Variants in METTL23 observed in about 807,000 individuals in gnomAD.
METTL23 encodes the protein methyltransferase 23, arginine.
Under a neutral mutation model 21.2 loss-of-function variants are expected in METTL23, and 24 were observed. That is an observed-to-expected ratio of 1.13 (90% CI 0.82 to 1.59). The LOEUF is 1.59. Ranked by LOEUF, METTL23 falls within the 40% of genes most tolerant of loss-of-function variation. METTL23 has a pLI of 0.00. For missense variants in METTL23, 276 were observed against 221.4 expected, an observed-to-expected ratio of 1.25 and a Z score of -1.57; for synonymous variants, 97 against 75.2, an observed-to-expected ratio of 1.29 and a Z score of -1.50.
chr17:76,728,412 A>ATTTTTTTT (rs762643941), intron 1 of METTL23, among the ~76,000 whole-genome samples: 7 of 14,776 alleles, frequency 4.7e-4, no homozygotes, highest in African/African-American at 6.1e-4. Context: ...GGCTTCACGG[A>ATTTTTTTT]TTTTTTTTTT....
intron 2 of METTL23, among the ~76,000 whole-genome samples, chr17:76,731,183 G>A (rs1194049677): frequency 6.6e-6 from 1 of 152,120 alleles, no homozygotes; most frequent in Non-Finnish European, 1.5e-5. Context: ...GCTGAGGTAG[G>A]AGAATCGCCT....
upstream of METTL23, chr17:76,726,653 C>T (rs1054426592): frequency 9.1e-6 from 8 of 881,204 alleles, no homozygotes; most frequent in East Asian, 2.0e-4. Context: ...TCCCGAGCCT[C>T]GGGTTGGGCA....
Position 76,733,763 on chromosome 17 carries a change from T to C in METTL23, c.*77T>C. On this transcript the variant is annotated 3_prime_UTR_variant, in exon 5 of 5. Transcript: ENST00000341249. The stretch of plus-strand genomic sequence containing the variant: ...GCACACAAACTATGAGCAGACCACT[T>C]CAGCTTGAGAATGCAGTGGGTCTGA... The C allele has an allele frequency of 7.5e-7, 1 of 1,339,418 alleles. No individual in the cohort carries two copies. Among genetic ancestry groups the C allele is most frequent in the South Asian group, 1.5e-5 (1 of 67,530 alleles). The allele number at this position is 1,339,418 out of a possible 1,614,324, so 83.0% of individuals were successfully genotyped here. A position where few individuals can be genotyped will look rare whatever the true frequency, so the allele number is the denominator to read the frequency against.
chr17:76,730,499 T>A (rs953559390), intron 2 of METTL23, among the ~76,000 whole-genome samples: 1 of 152,106 alleles, frequency 6.6e-6, no homozygotes, highest in Non-Finnish European at 1.5e-5. Flanking sequence ...ATATTGACTC[T>A]CTAGCCCTTT....
intron 2 of METTL23, chr17:76,732,691 C>T: frequency 2.3e-6 from 1 of 434,140 alleles, no homozygotes; most frequent in Non-Finnish European, 4.2e-6. Flanking sequence ...TCAAGTGCCC[C>T]AAAACTACTT....
At chr17:76,729,933 T>G in intron 2 of METTL23, 139 bp downstream of exon 2, 1 of 644,990 alleles carries the variant, frequency 1.6e-6, no homozygotes, top group Non-Finnish European at 2.7e-6. Context: ...GTCTGTGAGC[T>G]AAGAATGTTG....
At chr17:76,726,349 C>A, upstream of METTL23, 1 of 1,581,956 alleles carries the variant, frequency 6.3e-7, no homozygotes. Flanking sequence ...CCGCTCACCG[C>A]CACGGCCGCC....
rs138779251 is a variant in METTL23, at chr17:76,732,898, A to G, written c.85-80A>G. The G allele has an allele frequency of 1.4e-3, 1,696 of 1,183,010 alleles. 19 individuals carry two copies. In the African/African-American group the frequency reaches 0.022, roughly 16 times the overall value. 73.3% of individuals were successfully genotyped at this position (1,183,010 alleles called of 1,614,324 possible). A position where few individuals can be genotyped will look rare whatever the true frequency, so the allele number is the denominator to read the frequency against. ...TATGCTTATTTAAAAATGCAAGAATATAATGAAAAAGTACTAAGATTCCCA... is the reference window on the plus strand; with the variant it reads ...TATGCTTATTTAAAAATGCAAGAATGTAATGAAAAAGTACTAAGATTCCCA... On this transcript the variant is annotated intron_variant, in intron 2 of 4. Transcript: ENST00000341249.
chr17:76,730,880 G>T (rs2143829564), intron 2 of METTL23, among the ~76,000 whole-genome samples: 1 of 152,176 alleles, frequency 6.6e-6, no homozygotes, highest in South Asian at 2.1e-4. Flanking sequence ...GAGGCGGGCG[G>T]ATCACGAGGT....
chr17:76,726,361 G>T, upstream of METTL23: 1 of 1,592,300 alleles, frequency 6.3e-7, no homozygotes, highest in Non-Finnish European at 8.5e-7. Flanking sequence ...ACGGCCGCCG[G>T]GCTCAGCGAG....
chr17:76,729,654 T>C (rs1314844945), intron 1 of METTL23, 36 bp from the exon 2 acceptor site: 1 of 1,398,676 alleles, frequency 7.1e-7, no homozygotes, highest in East Asian at 2.5e-5. Context: ...TTCCAGCAGC[T>C]AAATTATTTA....
At position 76,731,354 on chromosome 17, in the gene METTL23, G is replaced by A. The variant is rs145619048; in HGVS notation, c.84+1560G>A. ...AAAGTCCTTACAGGTTCAGTGTCTG[G>A]TGAGGGCCAGAATTCTGGTTCAGAC... On this transcript the variant is annotated intron_variant, in intron 2 of 4. Coordinates refer to ENST00000341249, the MANE Select transcript of METTL23 (RefSeq NM_001080510.5). 2.4e-4 allele frequency among the ~76,000 whole-genome samples: 37 copies of A among 152,318 alleles called. No individual in the cohort carries two copies. In the East Asian group the frequency reaches 6.6e-3, roughly 27 times the overall value.
Position 76,729,679 on chromosome 17 carries a change from A to C in METTL23, c.-21-11A>C, listed in dbSNP as rs926219835. 6.5e-7 allele frequency: 1 copy of C among 1,530,236 alleles called. No individual in the cohort carries two copies. Among genetic ancestry groups the C allele is most frequent in the African/African-American group, 1.4e-5 (1 of 73,204 alleles). 94.8% of individuals were successfully genotyped at this position (1,530,236 alleles called of 1,614,324 possible). On this transcript the variant is annotated splice_polypyrimidine_tract_variant and intron_variant, in intron 1 of 4. Transcript: ENST00000341249. ...TAAATTATTTATGGCACACAAAAAC[A>C]TTCTTTTCAGGTCCTGCATCTCCAG...
chr17:76,729,319 G>A (rs1344257707), intron 1 of METTL23, among the ~76,000 whole-genome samples: 1 of 151,998 alleles, frequency 6.6e-6, no homozygotes, highest in African/African-American at 2.4e-5. Context: ...GACCTCAGGT[G>A]ATCCGCCCGC....
At chr17:76,732,708 G>A in intron 2 of METTL23, 1 of 496,476 alleles carries the variant, frequency 2.0e-6, no homozygotes. Context: ...ACTTCTGTGT[G>A]CATAGCAATT....
rs567563755 is a variant in METTL23, at chr17:76,732,758, T to C, written c.85-220T>C. The C allele has an allele frequency of 1.3e-4, 78 of 581,502 alleles. No individual in the cohort carries two copies. In the East Asian group the frequency reaches 1.5e-3, roughly 11 times the overall value. 36.0% of individuals were successfully genotyped at this position (581,502 alleles called of 1,614,324 possible). A position where few individuals can be genotyped will look rare whatever the true frequency, so the allele number is the denominator to read the frequency against. On this transcript the variant is annotated intron_variant, in intron 2 of 4. Transcript: ENST00000341249. Reference sequence around the variant, plus strand: ...ATACATGGCCCTTTAATATTGAAATTGAAGGTTAAGCTTTTACCTTTTAGC... The same window carrying C: ...ATACATGGCCCTTTAATATTGAAATCGAAGGTTAAGCTTTTACCTTTTAGC...
chr17:76,731,852 TTCTA>T (rs2077218478), intron 2 of METTL23, among the ~76,000 whole-genome samples: 2 of 152,220 alleles, frequency 1.3e-5, no homozygotes, highest in Admixed American at 6.5e-5. Flanking sequence ...CTCACAATAA[TTCTA>T]TCTCTGTGTC....
intron 2 of METTL23, 88 bp from the exon 3 acceptor site, chr17:76,732,890 G>T (rs2077288318): frequency 1.8e-6 from 2 of 1,099,960 alleles, no homozygotes; most frequent in East Asian, 2.6e-5. Context: ...ATTTAAAAAT[G>T]CAAGAATATA....
chr17:76,733,792 T>C lies in METTL23; in HGVS notation c.*106T>C. On this transcript the variant is annotated 3_prime_UTR_variant, in exon 5 of 5. Transcript: ENST00000341249. ...CTTGAGAATGCAGTGGGTCTGAAGA[T>C]GGTCAAGTCTGTTTGCCTTAGATTT... The C allele has an allele frequency of 2.0e-6, 2 of 976,330 alleles. No individual in the cohort carries two copies. The highest frequency in any genetic ancestry group is 1.5e-6 in the Non-Finnish European group (1 of 677,294). 60.5% of individuals were successfully genotyped at this position (976,330 alleles called of 1,614,324 possible).
Sources: allele counts gnomAD v4.1 joint callset (sites outside exome capture counted in the v4.1 genomes callset), GRCh38; gene constraint gnomAD v4.1.1; transcripts MANE v1.5; gene names NCBI Gene and HGNC (gene_info 2026-07-23, HGNC 2026-07-21).